The following IQANK1 variants were observed in gnomAD, a reference collection of about 807,000 sequenced individuals.
IQANK1 encodes IQ motif and ankyrin repeat domain-containing protein 1.
A neutral mutation model predicts 22.6 loss-of-function variants in IQANK1; 30 were observed. That is an observed-to-expected ratio of 1.33 (90% CI 0.99 to 1.80). IQANK1 has a LOEUF of 1.80. Among genes scored for constraint, IQANK1 ranks in the 40% most tolerant of loss-of-function variants. IQANK1 has a pLI of 0.00. For missense variants in IQANK1, 275 were observed against 235.2 expected (o/e 1.17, Z -1.11); for synonymous variants, 122 against 99.6 (o/e 1.23, Z -1.34).
chr8:143,747,966 T>TCCTTTC (rs781941107), intron 3 of IQANK1, among the ~76,000 whole-genome samples: 1 of 138,930 alleles, frequency 7.2e-6, no homozygotes, highest in Non-Finnish European at 1.5e-5. Context: ...TCCTTTCCTT[T>TCCTTTC]CCTTTCCCTT....
At chr8:143,761,107 G>A (rs1587482401) in intron 3 of IQANK1, among the ~76,000 whole-genome samples, 1 of 152,342 alleles carries the variant, frequency 6.6e-6, no homozygotes, top group East Asian at 1.9e-4. Flanking sequence ...GCGCGGAGCG[G>A]AGACTCCTGG....
At chr8:143,739,281 C>CG (rs1818829819) in intron 2 of IQANK1, 1 of 152,322 alleles carries the variant, frequency 6.6e-6, no homozygotes, top group Non-Finnish European at 1.5e-5. Flanking sequence ...TTCCCCAGCC[C>CG]GGGGCTGCTG....
At chr8:143,742,212 C>T in intron 3 of IQANK1, 1 of 367,714 alleles carries the variant, frequency 2.7e-6, no homozygotes, top group East Asian at 7.4e-5. Context: ...CCCTGGAGAG[C>T]CAGCCCAGCC....
At chr8:143,746,224 T>C (rs1455414648) in intron 3 of IQANK1, 3 of 152,266 alleles carry the variant, frequency 2.0e-5, no homozygotes, top group Non-Finnish European at 2.9e-5. Flanking sequence ...AGCAGGCATT[T>C]GCCTTGTTCC....
In IQANK1 at chr8:143,756,009, G is replaced by C. The variant is rs115099851; in HGVS notation, c.176-15479G>C. ...CTGGAAAGCATGACTGCCATCCACA[G>C]TGCATGGTTTCAACCTCCTGATGAT... On this transcript the variant is annotated intron_variant, in intron 3 of 13. Transcript: ENST00000527139. Among the ~76,000 whole-genome samples the C allele has an allele frequency of 6.9e-3, 1,046 of 152,316 alleles. 17 individuals are homozygous for C. Among genetic ancestry groups the C allele is most frequent in the African/African-American group, 0.024 (983 of 41,568 alleles).
At chr8:143,775,403 A>G (rs1198103168) in intron 7 of IQANK1, among the ~76,000 whole-genome samples, 4 of 151,624 alleles carry the variant, frequency 2.6e-5, no homozygotes, top group Non-Finnish European at 5.9e-5. Flanking sequence ...GAAGAGAAAA[A>G]TCAATGAAAA....
At chr8:143,778,282 TA>T (rs1186896343) in intron 7 of IQANK1, among the ~76,000 whole-genome samples, 15 of 152,010 alleles carry the variant, frequency 9.9e-5, no homozygotes, top group African/African-American at 3.6e-4. Context: ...GCTTTAAATG[TA>T]AAAGCACAAA....
intron 3 of IQANK1, among the ~76,000 whole-genome samples, chr8:143,755,167 A>G (rs147774587): frequency 6.6e-6 from 1 of 152,316 alleles, no homozygotes; most frequent in East Asian, 1.9e-4. Context: ...ACAGTGATAT[A>G]TTCTCAGGAT....
rs1819973284 is a variant in IQANK1, at chr8:143,789,498, G to A, written c.1056G>A (p.Arg352=). 3.2e-6 allele frequency: 4 copies of A among 1,232,136 alleles called. No individual in the cohort carries two copies. In the African/African-American group the frequency reaches 4.7e-5, roughly 14 times the overall value. The allele number at this position is 1,232,136 out of a possible 1,614,324, so 76.3% of individuals were successfully genotyped here. ...CAGAGCACGACCAGTGTGAGTGGAG[G>A]TGCATGGACAAGACCAAGCTCACGC... is the stretch of plus-strand genomic sequence containing the variant. The part of the protein sequence containing the change: ...RISEHDQCEW[R]CMDKTKLTLQ... Residue 352 remains arginine, a synonymous_variant, in exon 10 of 14, where the codon AGG becomes AGA. Coordinates refer to ENST00000527139, the MANE Select transcript of IQANK1 (RefSeq NM_001381874.1).
intron 7 of IQANK1, among the ~76,000 whole-genome samples, chr8:143,780,983 C>T (rs1307078750): frequency 6.6e-6 from 1 of 152,186 alleles, no homozygotes; most frequent in Non-Finnish European, 1.5e-5. Flanking sequence ...ACCTCACCAG[C>T]ATCTGTTATT....
rs1194355455 is a variant in IQANK1 at position 143,790,379 on chromosome 8, G to A, written c.1454G>A (p.Arg485Gln). ...GGGAAGCCGCTGGTGTTCGACCTGC[G>A]AGAGGAAGACCTGTTCCCAGTCGTG... The part of the protein sequence containing the change: ...RYGKPLVFDL[R>Q]EEDLFPVVQR... Residue 485 changes from arginine (R) to glutamine (Q), a missense_variant, in exon 14 of 14, where the codon CGA (arginine) becomes CAA (glutamine). By Grantham distance (43) the Arg-to-Gln change is conservative (BLOSUM62 1). Transcript: ENST00000527139. 1.0e-5 allele frequency: 10 copies of A among 999,442 alleles called. No homozygotes were observed. The highest frequency in any genetic ancestry group is 5.1e-5 in the South Asian group (1 of 19,514). The allele number at this position is 999,442 out of a possible 1,614,324, so 61.9% of individuals were successfully genotyped here.
chr8:143,763,232 T>C (rs1819427756), intron 3 of IQANK1, among the ~76,000 whole-genome samples: 1 of 152,126 alleles, frequency 6.6e-6, no homozygotes, highest in African/African-American at 2.4e-5. Context: ...GCCAGGCTGG[T>C]CTCAAAGTCC....
Position 143,789,213 on chromosome 8 carries a change from GA to G in IQANK1, c.964del (p.Thr322ProfsTer85), listed in dbSNP as rs1819961725. On this transcript the variant is annotated frameshift_variant, in exon 9 of 14. Transcript: ENST00000527139. LOFTEE classifies it high-confidence loss of function. ...GTATGACCCTCAAGGTCCAACAGCT[GA>G]CCAGGGAGCAGCAGCAGTGTCACAA... ...GSMTLKVQQL[T>X]REQQQCHKEL... The G allele has an allele frequency of 2.5e-6, 1 of 399,544 alleles. No individual in the cohort carries two copies. Among genetic ancestry groups the G allele is most frequent in the Non-Finnish European group, 4.4e-6 (1 of 226,462 alleles). 24.7% of individuals were successfully genotyped at this position (399,544 alleles called of 1,614,324 possible).
Position 143,790,159 on chromosome 8 carries a change from T to A in IQANK1, c.1312T>A (p.Leu438Met), listed in dbSNP as rs1311190969. 2.4e-6 allele frequency: 3 copies of A among 1,231,882 alleles called. No homozygotes were observed. The highest frequency in any genetic ancestry group is 4.2e-5 in the Admixed American group (1 of 23,694). The allele number at this position is 1,231,882 out of a possible 1,614,324, so 76.3% of individuals were successfully genotyped here. ...CAGGTGGCCTCTTGTTATTGACCCTTTGGGCCAGGCGGCCACCTTCCTGCG... is the reference window on the plus strand; with the variant it reads ...CAGGTGGCCTCTTGTTATTGACCCTATGGGCCAGGCGGCCACCTTCCTGCG... ...DGRWPLVIDP[L>M]GQAATFLRYQ... Residue 438 changes from leucine (L) to methionine (M), a missense_variant, in exon 13 of 14, where the codon TTG (leucine) becomes ATG (methionine). Leu to Met is a conservative substitution (Grantham distance 15). Transcript: ENST00000527139.
intron 3 of IQANK1, among the ~76,000 whole-genome samples, chr8:143,770,526 C>T (rs1311714583): frequency 6.6e-6 from 1 of 152,220 alleles, no homozygotes; most frequent in Non-Finnish European, 1.5e-5. Context: ...TCTTCCGCGT[C>T]TCCCAGTCTC....
chr8:143,737,227 A>G (rs2129746582), intron 2 of IQANK1, among the ~76,000 whole-genome samples: 1 of 152,336 alleles, frequency 6.6e-6, no homozygotes, highest in Non-Finnish European at 1.5e-5. Context: ...CAGGTGGACC[A>G]GCAAGGCAGC....
At chr8:143,748,733 TA>T (rs1419380186) in intron 3 of IQANK1, among the ~76,000 whole-genome samples, 3 of 96,598 alleles carry the variant, frequency 3.1e-5, no homozygotes, top group East Asian at 2.5e-4. Context: ...ATATCATATA[TA>T]AATATATAAA....
At chr8:143,777,533 AAAAAAAC>A (rs1247329340) in intron 7 of IQANK1, among the ~76,000 whole-genome samples, 1 of 151,026 alleles carries the variant, frequency 6.6e-6, no homozygotes, top group Non-Finnish European at 1.5e-5. Flanking sequence ...AAAAAAAAAA[AAAAAAAC>A]AAACCACTAA....
intron 3 of IQANK1, among the ~76,000 whole-genome samples, chr8:143,753,158 C>A (rs1819227970): frequency 6.6e-6 from 1 of 151,942 alleles, no homozygotes; most frequent in Admixed American, 6.6e-5. Flanking sequence ...TGTGTGCCAC[C>A]ATGCCTGGCT....
Sources: allele counts gnomAD v4.1 joint callset (sites outside exome capture counted in the v4.1 genomes callset), GRCh38; gene constraint gnomAD v4.1.1; transcripts MANE v1.5; gene names NCBI Gene and HGNC (gene_info 2026-07-23, HGNC 2026-07-21).